The following CFAP20DC variants were observed in gnomAD, a reference collection of about 807,000 sequenced individuals.
CFAP20DC encodes protein CFAP20DC.
CFAP20DC carries 84 observed loss-of-function variants against 101.7 expected under a neutral mutation model. That is an observed-to-expected ratio of 0.83 (90% confidence interval 0.69 to 0.99). The LOEUF is 0.99. Ranked by LOEUF, CFAP20DC falls within the 50% of genes least tolerant of loss-of-function variation. CFAP20DC has a pLI of 0.00. For synonymous variants in CFAP20DC, 359 were observed against 351.2 expected (o/e 1.02, Z -0.25); for missense variants, 1,007 against 970.3 (o/e 1.04, Z -0.50).
intron 15 of CFAP20DC, among the ~76,000 whole-genome samples, chr3:58,761,845 T>C (rs973926985): frequency 6.6e-6 from 1 of 152,142 alleles, no homozygotes; most frequent in East Asian, 1.9e-4. Context: ...AGTTGAGCGG[T>C]TTTGAGTGAG....
In CFAP20DC at chr3:58,734,494, C is replaced by T. The variant is rs576840237; in HGVS notation, c.198-16866G>A. ...TACCATGTGCTAAGTGCTTTTTCTTCGGTGGTCCATTTGTCAGCATCTTGG... is the reference window on the plus strand; with the variant it reads ...TACCATGTGCTAAGTGCTTTTTCTTTGGTGGTCCATTTGTCAGCATCTTGG... On this transcript the variant is annotated intron_variant, in intron 3 of 3. Transcript: ENST00000486145. 62 of 454,114 alleles carry T rather than the reference C, an allele frequency of 1.4e-4. 1 individual carries two copies. The East Asian group carries it at 3.1e-3, about 22-fold the overall frequency. The allele number at this position is 454,114 out of a possible 1,614,324, so 28.1% of individuals were successfully genotyped here. A position where few individuals can be genotyped will look rare whatever the true frequency, so the allele number is the denominator to read the frequency against.
rs2094047488 is a variant in CFAP20DC at position 59,034,043 on chromosome 3, A to G, written c.278+5514T>C. ...AAGCCAGAAGAGAATGGGGGCCAAT[A>G]TTCAATATTCTTAAAGACTTTTCAA... On this transcript the variant is annotated intron_variant, in intron 4 of 16. Coordinates refer to ENST00000482387, the MANE Select transcript of CFAP20DC (RefSeq NM_001394063.1). Among the ~76,000 whole-genome samples, 2 of 152,206 alleles carry G rather than the reference A, an allele frequency of 1.3e-5. 1 individual carries two copies. Among genetic ancestry groups the G allele is most frequent in the South Asian group, 4.1e-4 (2 of 4,832 alleles).
chr3:58,983,609 A>G (rs943343948), intron 4 of CFAP20DC, among the ~76,000 whole-genome samples: 2 of 152,198 alleles, frequency 1.3e-5, no homozygotes, highest in African/African-American at 4.8e-5. Flanking sequence ...GAAATAGGGT[A>G]AATATTTTAT....
Position 58,864,871 on chromosome 3 carries a change from T to C in CFAP20DC, c.1259-979A>G, listed in dbSNP as rs145779653. ...TTTGATATAAAAACCTTTTAGCACATTATTGTTTTCTTTAAAATACCATAC... is the reference window on the plus strand; with the variant it reads ...TTTGATATAAAAACCTTTTAGCACACTATTGTTTTCTTTAAAATACCATAC... On this transcript the variant is annotated intron_variant, in intron 11 of 16. Transcript: ENST00000482387. This position sits in a 1 kb window ranked among gnomAD's most constrained non-coding sequence, Gnocchi z 4.7. Among the ~76,000 whole-genome samples the C allele has an allele frequency of 5.9e-3, 897 of 152,332 alleles. 3 individuals carry two copies. Among genetic ancestry groups the C allele is most frequent in the Middle Eastern group, 0.027 (8 of 294 alleles).
At chr3:58,958,596 T>C (rs2090860170) in intron 4 of CFAP20DC, among the ~76,000 whole-genome samples, 1 of 152,224 alleles carries the variant, frequency 6.6e-6, no homozygotes, top group Non-Finnish European at 1.5e-5. Flanking sequence ...GAGAGTTTCA[T>C]TCTCTTCACA....
rs751777569 is a variant in CFAP20DC at position 58,764,242 on chromosome 3, C to A, written c.2238-10379G>T. Among the ~76,000 whole-genome samples, 9 of 152,214 alleles carry A rather than the reference C, an allele frequency of 5.9e-5. No individual in the cohort carries two copies. The South Asian group carries it at 1.0e-3, about 17-fold the overall frequency. On this transcript the variant is annotated intron_variant, in intron 15 of 16. Coordinates refer to ENST00000482387, the MANE Select transcript of CFAP20DC (RefSeq NM_001394063.1). ...ACTCTAGCCTCAGCAATGGAGGGCG[C>A]CCCTCCTCCAGCCTTGCTGCCACCT...
chr3:58,797,260 G>C (rs114387547), intron 15 of CFAP20DC, among the ~76,000 whole-genome samples: 1 of 152,294 alleles, frequency 6.6e-6, no homozygotes, highest in Non-Finnish European at 1.5e-5. Context: ...CAAAGGAAAA[G>C]TTCTCGAAGG....
chr3:58,981,393 C>T (rs866167906), intron 4 of CFAP20DC, among the ~76,000 whole-genome samples: 67 of 151,950 alleles, frequency 4.4e-4, no homozygotes, highest in Non-Finnish European at 7.1e-4. Context: ...GAGCCCGCAT[C>T]GCCAAGTCAA....
At position 58,914,584 on chromosome 3, in the gene CFAP20DC, A is replaced by T. The variant is rs887915469; in HGVS notation, c.394-720T>A. 1.3e-5 allele frequency among the ~76,000 whole-genome samples: 2 copies of T among 151,848 alleles called. No individual in the cohort carries two copies. Among genetic ancestry groups the T allele is most frequent in the African/African-American group, 4.8e-5 (2 of 41,410 alleles). The stretch of plus-strand genomic sequence containing the variant: ...CAGAAAAATAATTTTTGAAATGAAA[A>T]GTAGTATTAAAGTTTTATGTGCTTC... On this transcript the variant is annotated intron_variant, in intron 5 of 16. Transcript: ENST00000482387. The surrounding 1 kb of genome is among the most constrained non-coding windows in gnomAD (Gnocchi z 4.9).
At position 58,852,917 on chromosome 3, in the gene CFAP20DC, T is replaced by G. The variant is rs868152951; in HGVS notation, c.1594-3508A>C. Among the ~76,000 whole-genome samples, 8 of 151,146 alleles carry G rather than the reference T, an allele frequency of 5.3e-5. No individual in the cohort carries two copies. In the South Asian group the frequency reaches 1.1e-3, roughly 20 times the overall value. ...AAAATTGACACCCTAACATCACAAT[T>G]AAAAGAACTAGAAAAGCAAGAGTAA... On this transcript the variant is annotated intron_variant, in intron 12 of 16. Coordinates refer to ENST00000482387, the MANE Select transcript of CFAP20DC (RefSeq NM_001394063.1).
intron 12 of CFAP20DC, chr3:58,862,705 A>G: frequency 1.0e-6 from 1 of 972,396 alleles, no homozygotes; most frequent in Non-Finnish European, 1.2e-6. Context: ...CACATATAAA[A>G]AGGTTTTCTA....
At chr3:59,011,009 T>C (rs1176401890) in intron 4 of CFAP20DC, among the ~76,000 whole-genome samples, 1 of 152,200 alleles carries the variant, frequency 6.6e-6, no homozygotes, top group African/African-American at 2.4e-5. Flanking sequence ...TTCTTTCAAC[T>C]GGACTATAAT....
At chr3:58,948,468 C>T (rs770436311) in intron 4 of CFAP20DC, among the ~76,000 whole-genome samples, 13 of 152,302 alleles carry the variant, frequency 8.5e-5, no homozygotes, top group Non-Finnish European at 1.6e-4. Context: ...CTATAGTCCA[C>T]TTTATGAGCC....
chr3:58,936,218 A>T (rs370687345), intron 5 of CFAP20DC, among the ~76,000 whole-genome samples: 14 of 151,986 alleles, frequency 9.2e-5, no homozygotes, highest in African/African-American at 3.1e-4. Flanking sequence ...TCAAAACCAC[A>T]ATGAGATACC....
intron 15 of CFAP20DC, among the ~76,000 whole-genome samples, chr3:58,763,809 A>C (rs905001439): frequency 6.6e-6 from 1 of 152,140 alleles, no homozygotes; most frequent in South Asian, 2.1e-4. Context: ...TGCACTCCAG[A>C]CCCTGTTTGC....
chr3:58,765,490 C>CAAAAAA (rs1337049385), intron 15 of CFAP20DC, among the ~76,000 whole-genome samples: 11 of 81,794 alleles, frequency 1.3e-4, no homozygotes, highest in Middle Eastern at 7.2e-3. Context: ...AAAAAAAAAC[C>CAAAAAA]AAAAAAAAAA....
intron 4 of CFAP20DC, among the ~76,000 whole-genome samples, chr3:59,036,490 T>C (rs1162172475): frequency 1.3e-5 from 2 of 152,158 alleles, no homozygotes; most frequent in African/African-American, 2.4e-5. Context: ...AGCACTCCTA[T>C]ACACCAATAA....
intron 7 of CFAP20DC, among the ~76,000 whole-genome samples, chr3:58,879,227 T>A (rs2081034554): frequency 6.6e-6 from 1 of 152,174 alleles, no homozygotes; most frequent in African/African-American, 2.4e-5. Context: ...ATGCTTAAGA[T>A]GATGGATATG....
intron 4 of CFAP20DC, among the ~76,000 whole-genome samples, chr3:58,985,619 C>T (rs1409867523): frequency 6.6e-6 from 1 of 152,168 alleles, no homozygotes; most frequent in Non-Finnish European, 1.5e-5. Context: ...GGCTTTTATA[C>T]ATGTTTATCT....
Sources: gnomAD v4.1 joint callset for allele counts (sites outside exome capture counted in the v4.1 genomes callset) on GRCh38, gnomAD v4.1.1 for gene constraint, Gnocchi (gnomAD v3.1) non-coding constraint, MANE v1.5 for transcripts, NCBI Gene and HGNC (gene_info 2026-07-23, HGNC 2026-07-21) for gene names.